Variants in SORCS3 observed in about 807,000 individuals in gnomAD.
The protein encoded by SORCS3 is VPS10 domain-containing receptor SorCS3.
SORCS3 carries 57 observed loss-of-function variants against 146.3 expected under a neutral mutation model. That is an observed-to-expected ratio of 0.39 (90% CI 0.31 to 0.49). SORCS3 has a LOEUF of 0.49. SORCS3 is among the 20% of genes least tolerant of loss of function. The pLI is 0.92. For missense variants in SORCS3, 1,341 were observed against 1,575.5 expected, an observed-to-expected ratio of 0.85 and a Z score of 2.52; for synonymous variants, 653 against 618.5, an observed-to-expected ratio of 1.06 and a Z score of -0.83.
rs530580330 is a variant in SORCS3, at chr10:105,206,777, T to C, written c.2262-4360T>C. Among the ~76,000 whole-genome samples, 3 of 152,320 alleles carry C rather than the reference T, an allele frequency of 2.0e-5. No individual in the cohort carries two copies. In the East Asian group the frequency reaches 5.8e-4, roughly 29 times the overall value. ...GATTAATCCATTGTTTTTGTTGCTG[T>C]TGGGCCTGCTTGTGTTTGTTGAGTG... On this transcript the variant is annotated intron_variant, in intron 16 of 26. Coordinates refer to ENST00000369701, the MANE Select transcript of SORCS3 (RefSeq NM_014978.3).
intron 14 of SORCS3, among the ~76,000 whole-genome samples, chr10:105,196,015 G>A (rs1331990768): frequency 2.0e-5 from 3 of 151,080 alleles, no homozygotes; most frequent in Non-Finnish European, 2.9e-5. Flanking sequence ...GCACATGAAA[G>A]GAATGTACCT....
chr10:105,077,096 A>G (rs1053526439), intron 5 of SORCS3, among the ~76,000 whole-genome samples: 5 of 152,190 alleles, frequency 3.3e-5, no homozygotes, highest in African/African-American at 1.2e-4. Flanking sequence ...AGAATGTATA[A>G]AGATATCAGA....
chr10:104,978,336 T>TA (rs1401497748), intron 4 of SORCS3, among the ~76,000 whole-genome samples: 1 of 152,162 alleles, frequency 6.6e-6, no homozygotes, highest in African/African-American at 2.4e-5. Flanking sequence ...TGTTATTTTC[T>TA]AAAAATACAT....
chr10:104,842,974 A>G (rs2018160095), intron 2 of SORCS3, 115 bp downstream of exon 2: 1 of 813,492 alleles, frequency 1.2e-6, no homozygotes, highest in Non-Finnish European at 2.1e-6. Flanking sequence ...CTCTTCCTGG[A>G]AGCTCATGTT....
At position 104,654,823 on chromosome 10, in the gene SORCS3, C is replaced by T. The variant is rs568712393; in HGVS notation, c.627+12869C>T. ...TTTGTTCAAATTAGTGATGTGCAACCCTTGAGGAAGCCTGATGCATTAAAA... is the reference window on the plus strand; with the variant it reads ...TTTGTTCAAATTAGTGATGTGCAACTCTTGAGGAAGCCTGATGCATTAAAA... On this transcript the variant is annotated intron_variant, in intron 1 of 26. Transcript: ENST00000369701. 5.3e-5 allele frequency among the ~76,000 whole-genome samples: 8 copies of T among 152,252 alleles called. No homozygotes were observed. In the East Asian group the frequency reaches 1.5e-3, roughly 29 times the overall value.
intron 11 of SORCS3, among the ~76,000 whole-genome samples, chr10:105,163,715 T>C (rs1199516976): frequency 1.3e-5 from 2 of 152,132 alleles, no homozygotes; most frequent in African/African-American, 4.8e-5. Context: ...AGGTGACTTG[T>C]TTTGCTGCCA....
intron 7 of SORCS3, among the ~76,000 whole-genome samples, chr10:105,120,935 G>A (rs545603977): frequency 1.4e-4 from 22 of 152,094 alleles, no homozygotes; most frequent in Non-Finnish European, 2.4e-4. Context: ...GGTGGTAAGC[G>A]TGCTGTGCAG....
intron 20 of SORCS3, among the ~76,000 whole-genome samples, chr10:105,239,432 C>A (rs1380100777): frequency 3.9e-5 from 6 of 152,176 alleles, no homozygotes; most frequent in African/African-American, 1.4e-4. Context: ...CTGATGTAGG[C>A]TGCATCCAAA....
intron 3 of SORCS3, among the ~76,000 whole-genome samples, chr10:104,924,982 G>A (rs2019125252): frequency 6.6e-6 from 1 of 152,188 alleles, no homozygotes; most frequent in Admixed American, 6.5e-5. Flanking sequence ...CATGTGCCAT[G>A]GTGATTTGCT....
At chr10:105,261,836 G>A (rs2119775661) in intron 25 of SORCS3, among the ~76,000 whole-genome samples, 1 of 152,164 alleles carries the variant, frequency 6.6e-6, no homozygotes, top group East Asian at 1.9e-4. Context: ...AGTATTTAAG[G>A]TACTTATCCC....
At chr10:105,075,529 G>A (rs1192461820) in intron 5 of SORCS3, among the ~76,000 whole-genome samples, 2 of 152,274 alleles carry the variant, frequency 1.3e-5, no homozygotes, top group East Asian at 3.9e-4. Flanking sequence ...GTTCACAGAA[G>A]CCCTCTCCTA....
chr10:105,124,208 G>A (rs1315225766), intron 7 of SORCS3, among the ~76,000 whole-genome samples: 1 of 152,166 alleles, frequency 6.6e-6, no homozygotes, highest in African/African-American at 2.4e-5. Context: ...CCAAGCTGCT[G>A]TACAAGCACT....
intron 1 of SORCS3, among the ~76,000 whole-genome samples, chr10:104,729,405 AT>A (rs1324456807): frequency 2.0e-5 from 3 of 152,238 alleles, no homozygotes; most frequent in African/African-American, 7.2e-5. Context: ...TTCCAGAGTT[AT>A]AAAGTTCTAT....
intron 13 of SORCS3, among the ~76,000 whole-genome samples, chr10:105,175,942 G>A (rs182424245): frequency 1.1e-3 from 167 of 152,102 alleles, no homozygotes; most frequent in Non-Finnish European, 2.0e-3. Flanking sequence ...TGTACATTAG[G>A]ACAGAGAGGA....
At chr10:105,049,546 G>A (rs921303923) in intron 5 of SORCS3, among the ~76,000 whole-genome samples, 4 of 152,070 alleles carry the variant, frequency 2.6e-5, no homozygotes, top group African/African-American at 9.7e-5. Flanking sequence ...GGGAGAATTG[G>A]TAATAGTTAG....
At chr10:104,976,708 C>T (rs2054899563) in intron 3 of SORCS3, among the ~76,000 whole-genome samples, 2 of 152,178 alleles carry the variant, frequency 1.3e-5, no homozygotes, top group Admixed American at 6.5e-5. Flanking sequence ...GGCACATATA[C>T]ACCATGGAAT....
chr10:104,734,074 G>T (rs1432974560), intron 1 of SORCS3, among the ~76,000 whole-genome samples: 1 of 152,114 alleles, frequency 6.6e-6, no homozygotes, highest in Non-Finnish European at 1.5e-5. Flanking sequence ...TAAGTTATTT[G>T]TGTCTCTGTG....
At chr10:104,673,622 A>AT (rs751783344) in intron 1 of SORCS3, among the ~76,000 whole-genome samples, 3 of 150,692 alleles carry the variant, frequency 2.0e-5, no homozygotes, top group East Asian at 1.9e-4. Flanking sequence ...TAATTTTTAA[A>AT]TTTTTTTTTG....
At chr10:105,113,549 C>T (rs1254006803) in intron 7 of SORCS3, among the ~76,000 whole-genome samples, 1 of 152,178 alleles carries the variant, frequency 6.6e-6, no homozygotes, top group Non-Finnish European at 1.5e-5. Flanking sequence ...ATTTTTAATT[C>T]TGTGTCTTAT....
Sources: gnomAD v4.1 joint callset for allele counts (sites outside exome capture counted in the v4.1 genomes callset) on GRCh38, gnomAD v4.1.1 for gene constraint, MANE v1.5 for transcripts, NCBI Gene and HGNC (gene_info 2026-07-23, HGNC 2026-07-21) for gene names.